The following SRCAP variants were observed in gnomAD, a reference collection of about 807,000 sequenced individuals.
SRCAP encodes chromatin remodeling protein SRCAP.
In SRCAP, 46 loss-of-function variants were observed where a neutral mutation model predicts 263.1. That is an observed-to-expected ratio of 0.17 (90% CI 0.14 to 0.22). SRCAP has a LOEUF of 0.22. Ranked by LOEUF, SRCAP falls within the 10% of genes least tolerant of loss-of-function variation. The pLI is 1.00. For missense variants in SRCAP, 3,695 were observed against 4,181.9 expected (o/e 0.88, Z 3.21); for synonymous variants, 1,813 against 1,662.1 (o/e 1.09, Z -2.21).
At chr16:30,729,825 G>C (rs924628643) in intron 27 of SRCAP, among the ~76,000 whole-genome samples, 14 of 152,172 alleles carry the variant, frequency 9.2e-5, no homozygotes, top group African/African-American at 3.4e-4. Context: ...CTGGAGTGCA[G>C]TGCAGTGGTG....
intron 20 of SRCAP, 37 bp from the exon 21 acceptor site, chr16:30,721,152 A>C: frequency 6.4e-7 from 1 of 1,565,586 alleles, no homozygotes; most frequent in Non-Finnish European, 8.7e-7. Context: ...GGCTTTAGTC[A>C]GGGTATATCT....
chr16:30,734,347 AAAAAAC>A (rs1404949219), intron 30 of SRCAP, 143 bp from the exon 31 acceptor site: 2 of 1,261,210 alleles, frequency 1.6e-6, no homozygotes, highest in African/African-American at 3.0e-5. Context: ...CTCAAAAAAG[AAAAAAC>A]AAAAAGGACT....
At chr16:30,708,240 G>A (rs2052849162) in intron 6 of SRCAP, among the ~76,000 whole-genome samples, 1 of 152,074 alleles carries the variant, frequency 6.6e-6, no homozygotes, top group Non-Finnish European at 1.5e-5. Flanking sequence ...ACAGAGTCTT[G>A]CTGTGTCTCC....
intron 2 of SRCAP, among the ~76,000 whole-genome samples, chr16:30,700,380 G>A (rs946046699): frequency 3.9e-5 from 6 of 152,200 alleles, no homozygotes; most frequent in Admixed American, 2.0e-4. Flanking sequence ...GTGTGTAGGA[G>A]GAAGTCAATA....
At chr16:30,707,846 G>T in intron 6 of SRCAP, 134 bp downstream of exon 6, 4 of 1,216,568 alleles carry the variant, frequency 3.3e-6, no homozygotes, top group Non-Finnish European at 4.6e-6. Flanking sequence ...ATGTTGTATG[G>T]ATAAAAAAGT....
At chr16:30,731,653 G>A (rs2053115810) in intron 27 of SRCAP, among the ~76,000 whole-genome samples, 1 of 151,592 alleles carries the variant, frequency 6.6e-6, no homozygotes, top group South Asian at 2.1e-4. Context: ...CTCACTTGAG[G>A]CAAGTAAAGA....
intron 10 of SRCAP, among the ~76,000 whole-genome samples, chr16:30,711,301 A>G (rs2052888787): frequency 6.6e-6 from 1 of 152,172 alleles, no homozygotes; most frequent in African/African-American, 2.4e-5. Context: ...AAATGGAGGG[A>G]AGAGCTAATG....
chr16:30,736,169 T>C (rs2053159068), intron 31 of SRCAP, 31 bp from the exon 32 acceptor site: 2 of 1,611,340 alleles, frequency 1.2e-6, no homozygotes, highest in Non-Finnish European at 1.7e-6. Flanking sequence ...TGAAGTCTCA[T>C]GTTTTCTTTT....
Position 30,724,583 on chromosome 16 carries a change from C to G in SRCAP, c.5159C>G (p.Pro1720Arg). ...PFPTQTLSLT[P>R]ASSLVPTPAQ... ...CCAACTCAGACATTGTCATTAACTCCAGCATCATCCCTGGTACCAACTCCA... is the reference window on the plus strand; with the variant it reads ...CCAACTCAGACATTGTCATTAACTCGAGCATCATCCCTGGTACCAACTCCA... Residue 1720 changes from proline (P) to arginine (R), a missense_variant, in exon 25 of 34, where the codon CCA becomes CGA. Physicochemically the swap from Pro to Arg is moderately radical, Grantham distance 103 (BLOSUM62 -2). Coordinates refer to ENST00000262518, the MANE Select transcript of SRCAP (RefSeq NM_006662.3). 6.2e-7 allele frequency: 1 copy of G among 1,614,196 alleles called. No homozygotes were observed. The highest frequency in any genetic ancestry group is 8.5e-7 in the Non-Finnish European group (1 of 1,180,044).
intron 24 of SRCAP, 83 bp downstream of exon 24, chr16:30,723,312 A>G (rs2053029586): frequency 2.0e-6 from 3 of 1,512,336 alleles, no homozygotes; most frequent in East Asian, 2.3e-5. Context: ...TAGTTTTAGT[A>G]CAGGTTTTTT....
intron 9 of SRCAP, 51 bp from the exon 10 acceptor site, chr16:30,710,948 C>T (rs753010762): frequency 6.3e-7 from 1 of 1,597,752 alleles, no homozygotes; most frequent in Admixed American, 1.7e-5. Context: ...GGACTGTGTC[C>T]TGTGCCTCTA....
Position 30,712,828 on chromosome 16 carries a change from A to G in SRCAP, c.2130+13A>G, listed in dbSNP as rs757318968. 1.4e-5 allele frequency: 22 copies of G among 1,613,920 alleles called. No homozygotes were observed. The highest frequency in any genetic ancestry group is 1.9e-5 in the Non-Finnish European group (22 of 1,179,876). On this transcript the variant is annotated intron_variant, in intron 14 of 33. Transcript: ENST00000262518. Reference sequence around the variant, plus strand: ...GCTCAAGCGGCAGGTTCGATGTTTCATGTGGTCACTTTCCTCCCATTGATG... The same window carrying G: ...GCTCAAGCGGCAGGTTCGATGTTTCGTGTGGTCACTTTCCTCCCATTGATG...
intron 1 of SRCAP, among the ~76,000 whole-genome samples, 162 bp from the exon 2 acceptor site, chr16:30,699,746 C>G (rs1482453159): frequency 2.0e-5 from 3 of 152,154 alleles, no homozygotes; most frequent in Admixed American, 2.0e-4. Context: ...CAGGCAGGAT[C>G]GTATGTCCCT....
chr16:30,711,548 A>G (rs370928170), intron 10 of SRCAP, 23 bp from the exon 11 acceptor site: 114 of 1,564,370 alleles, frequency 7.3e-5, no homozygotes, highest in Non-Finnish European at 9.7e-5. Flanking sequence ...AGAGCAACCA[A>G]AAGCTTTTTG....
At position 30,737,695 on chromosome 16, in the gene SRCAP, A is replaced by G; in HGVS notation, c.7655A>G (p.Glu2552Gly). The G allele has an allele frequency of 6.2e-7, 1 of 1,614,118 alleles. No individual in the cohort carries two copies. The highest frequency in any genetic ancestry group is 8.5e-7 in the Non-Finnish European group (1 of 1,180,028). Residue 2552 changes from glutamate to glycine, a missense_variant, in exon 34 of 34, where the codon GAG (glutamate) becomes GGG (glycine). Coordinates refer to ENST00000262518, the MANE Select transcript of SRCAP (RefSeq NM_006662.3). ...NLPLGLRPEA[E>G]LCAQALASPE... ...CCCTTGGGCTTGAGGCCTGAGGCAG[A>G]GCTGTGTGCCCAGGCATTGGCATCT...
chr16:30,723,775 G>A lies in SRCAP; in HGVS notation c.4351G>A (p.Ala1451Thr), dbSNP rs201769687. 7.4e-6 allele frequency: 12 copies of A among 1,613,776 alleles called. No individual in the cohort carries two copies. Among genetic ancestry groups the A allele is most frequent in the East Asian group, 2.2e-5 (1 of 44,862 alleles). ...ISVPTTLPAP[A>T]SAPLTIPISA... is the part of the protein sequence containing the mutation. ...TGTCCCCACCACACTTCCTGCCCCA[G>A]CCTCGGCTCCACTCACCATCCCCAT... Residue 1451 changes from alanine to threonine, a missense_variant, in exon 25 of 34, where the codon GCC becomes ACC. Around this residue, in one of 12 missense-constraint regions of SRCAP, gnomAD observed 1,347 missense variants for 1,304.4 expected, o/e 1.03. Coordinates refer to ENST00000262518, the MANE Select transcript of SRCAP (RefSeq NM_006662.3).
chr16:30,737,346 G>A lies in SRCAP; in HGVS notation c.7306G>A (p.Val2436Ile). The A allele has an allele frequency of 6.2e-7, 1 of 1,614,082 alleles. No individual in the cohort carries two copies. Among genetic ancestry groups the A allele is most frequent in the Non-Finnish European group, 8.5e-7 (1 of 1,180,008 alleles). The change falls in exon 34 of 34, where the codon GTT (valine) becomes ATT (isoleucine). Residue 2436 changes from valine to isoleucine, a missense_variant. Val to Ile is a conservative substitution (Grantham distance 29). This residue lies in a region of SRCAP where 1,207 missense variants were observed against 1,142.9 expected (regional missense o/e 1.06). Transcript: ENST00000262518. Reference protein sequence around the residue: ...PPRCSPARERVPRPAPRPRPT... With the variant: ...PPRCSPARERIPRPAPRPRPT... ...CCGCTGCAGTCCTGCCAGGGAGCGA[G>A]TTCCCAGGCCAGCACCTAGGCCTCG...
At chr16:30,731,065 G>A (rs543928920) in intron 27 of SRCAP, among the ~76,000 whole-genome samples, 2 of 152,064 alleles carry the variant, frequency 1.3e-5, no homozygotes, top group Non-Finnish European at 2.9e-5. Context: ...TGTTAGGATG[G>A]CTGCCATAAC....
Position 30,739,246 on chromosome 16 carries a change from T to C in SRCAP, c.9206T>C (p.Leu3069Pro). 6.2e-7 allele frequency: 1 copy of C among 1,613,756 alleles called. No homozygotes were observed. Among genetic ancestry groups the C allele is most frequent in the Non-Finnish European group, 8.5e-7 (1 of 1,180,018 alleles). ...CGCCCCCTCACCCGCCTGGCCCGCCTTCGGCTTGAAGCAGAAGGAATGCGA... is the reference window on the plus strand; with the variant it reads ...CGCCCCCTCACCCGCCTGGCCCGCCCTCGGCTTGAAGCAGAAGGAATGCGA... ...GSRPLTRLAR[L>P]RLEAEGMRGR... Residue 3069 changes from leucine (L) to proline (P), a missense_variant, in exon 34 of 34, where the codon CTT (leucine) becomes CCT (proline). By Grantham distance (98) the Leu-to-Pro change is moderately conservative. Around this residue, in one of 12 missense-constraint regions of SRCAP, gnomAD observed 1,207 missense variants for 1,142.9 expected, o/e 1.06. Coordinates refer to ENST00000262518, the MANE Select transcript of SRCAP (RefSeq NM_006662.3).
Sources: gnomAD v4.1 joint callset for allele counts (sites outside exome capture counted in the v4.1 genomes callset) on GRCh38, gnomAD v4.1.1 for gene constraint, gnomAD v4.1.1 regional missense constraint, MANE v1.5 for transcripts, NCBI Gene and HGNC (gene_info 2026-07-23, HGNC 2026-07-21) for gene names.